The following PLCL1 variants were observed in gnomAD, a reference collection of about 807,000 sequenced individuals.
The protein encoded by PLCL1 is phospholipase C like 1 (inactive), also known as inactive phospholipase C-like protein 1.
A neutral mutation model predicts 84.4 loss-of-function variants in PLCL1; 41 were observed. The ratio of observed to expected loss-of-function variants is 0.49; its 90% CI spans 0.38 to 0.63. The LOEUF (loss-of-function observed/expected upper bound fraction) is 0.63, where lower values mean the gene tolerates loss of function less well. PLCL1 is among the 30% of genes least tolerant of loss of function. The probability of loss-of-function intolerance (pLI) is 0.00; values close to 1 mark genes in which losing one functional copy is unlikely to be tolerated. For synonymous variants in PLCL1, 490 were observed against 488.3 expected (o/e 1.00, Z -0.05); for missense variants, 1,206 against 1,367.8 (o/e 0.88, Z 1.87).
At chr2:197,982,994 T>C (rs79674637) in intron 1 of PLCL1, among the ~76,000 whole-genome samples, 1,773 of 152,214 alleles carry the variant, frequency 0.012, 36 homozygotes, top group African/African-American at 0.04. Flanking sequence ...ATAATAAAAA[T>C]TGGCTTATAA....
At chr2:197,946,834 G>A (rs1000512902) in intron 1 of PLCL1, among the ~76,000 whole-genome samples, 11 of 152,166 alleles carry the variant, frequency 7.2e-5, no homozygotes, top group African/African-American at 2.4e-4. Context: ...CATTTAAAAA[G>A]CCTCTCTTCT....
At chr2:197,850,180 C>T (rs907880676) in intron 1 of PLCL1, among the ~76,000 whole-genome samples, 1 of 152,078 alleles carries the variant, frequency 6.6e-6, no homozygotes, top group African/African-American at 2.4e-5. Flanking sequence ...ATTAGTACTG[C>T]GACAGGATTG....
intron 5 of PLCL1, among the ~76,000 whole-genome samples, chr2:198,141,181 C>CT (rs1356907833): frequency 2.6e-5 from 4 of 152,110 alleles, no homozygotes; most frequent in Admixed American, 2.6e-4. Flanking sequence ...AAAAATTTAA[C>CT]TTTTTAAATA....
At chr2:197,886,980 T>G (rs1687935243) in intron 1 of PLCL1, among the ~76,000 whole-genome samples, 1 of 152,210 alleles carries the variant, frequency 6.6e-6, no homozygotes, top group Non-Finnish European at 1.5e-5. Flanking sequence ...AATTGGCTCC[T>G]CACATCAACC....
intron 1 of PLCL1, among the ~76,000 whole-genome samples, chr2:198,081,199 A>G (rs1418099349): frequency 3.3e-5 from 5 of 152,326 alleles, no homozygotes; most frequent in South Asian, 2.1e-4. Flanking sequence ...TAGAGATTTT[A>G]TCACTCTGCT....
rs1691255907 is a variant in PLCL1 at position 198,026,030 on chromosome 2, A to G, written c.241-57728A>G. On this transcript the variant is annotated intron_variant, in intron 1 of 5. Coordinates refer to ENST00000428675, the MANE Select transcript of PLCL1 (RefSeq NM_006226.4). ...TTTAGTTTTAAGGCTGGCATTAAAG[A>G]GTTTTGCAAAATTATTTATTTATTT... 1.3e-5 allele frequency among the ~76,000 whole-genome samples: 2 copies of G among 152,258 alleles called. 1 individual carries two copies. The highest frequency in any genetic ancestry group is 4.1e-4 in the South Asian group (2 of 4,828).
rs200633520 is a variant in PLCL1 at position 197,918,967 on chromosome 2, T to A, written c.240+113628T>A. 2.4e-3 allele frequency among the ~76,000 whole-genome samples: 249 copies of A among 105,014 alleles called. 3 individuals are homozygous for A. Among genetic ancestry groups the A allele is most frequent in the African/African-American group, 7.3e-3 (216 of 29,524 alleles). 68.9% of individuals were successfully genotyped at this position (105,014 alleles called of 152,430 possible). ...CTCTCTCTCTCTCTCTCTCTCTCTC[T>A]CCCTCACACACACACATACACACAC... On this transcript the variant is annotated intron_variant, in intron 1 of 5. Transcript: ENST00000428675.
intron 1 of PLCL1, among the ~76,000 whole-genome samples, chr2:197,957,051 G>T (rs1191649305): frequency 6.6e-6 from 1 of 151,820 alleles, no homozygotes; most frequent in African/African-American, 2.4e-5. Flanking sequence ...ATAGGCATTT[G>T]CTTGTGCCAC....
At chr2:198,131,806 A>C (rs1339714052) in intron 5 of PLCL1, among the ~76,000 whole-genome samples, 1 of 152,154 alleles carries the variant, frequency 6.6e-6, no homozygotes, top group African/African-American at 2.4e-5. Flanking sequence ...TTTCTCATTT[A>C]AAATAAAACG....
intron 1 of PLCL1, among the ~76,000 whole-genome samples, chr2:197,860,028 C>G (rs1399835894): frequency 6.6e-6 from 1 of 152,066 alleles, no homozygotes; most frequent in African/African-American, 2.4e-5. Context: ...CCTCCTCCCA[C>G]CCTCCACCCT....
intron 1 of PLCL1, among the ~76,000 whole-genome samples, chr2:197,870,584 A>C (rs1687632489): frequency 6.6e-6 from 1 of 152,128 alleles, no homozygotes; most frequent in Non-Finnish European, 1.5e-5. Context: ...CTCTACCCTC[A>C]GAGAGTGTTA....
intron 5 of PLCL1, among the ~76,000 whole-genome samples, chr2:198,112,358 AG>A (rs1693643283): frequency 6.6e-6 from 1 of 151,884 alleles, no homozygotes; most frequent in South Asian, 2.1e-4. Flanking sequence ...AGGACCCCTG[AG>A]AGCCCAGCCA....
chr2:197,897,362 T>C (rs1163425442), intron 1 of PLCL1, among the ~76,000 whole-genome samples: 2 of 152,116 alleles, frequency 1.3e-5, no homozygotes, highest in Non-Finnish European at 2.9e-5. Flanking sequence ...TTTGCATTAT[T>C]GTAGAAGACA....
chr2:197,941,538 A>G (rs183060634), intron 1 of PLCL1, among the ~76,000 whole-genome samples: 32 of 152,266 alleles, frequency 2.1e-4, no homozygotes, highest in African/African-American at 7.0e-4. Context: ...CAATCCTCCT[A>G]TCTTCCAAAG....
At chr2:198,028,454 C>T (rs1691326038) in intron 1 of PLCL1, among the ~76,000 whole-genome samples, 1 of 152,108 alleles carries the variant, frequency 6.6e-6, no homozygotes, top group Admixed American at 6.5e-5. Flanking sequence ...TGCTCAGAGT[C>T]CCTGCAATCA....
intron 1 of PLCL1, among the ~76,000 whole-genome samples, chr2:198,081,597 A>G (rs755628768): frequency 6.6e-6 from 1 of 152,228 alleles, no homozygotes; most frequent in Non-Finnish European, 1.5e-5. Context: ...TTGTAAATGC[A>G]GGAGCTAAGT....
intron 1 of PLCL1, among the ~76,000 whole-genome samples, chr2:197,944,686 T>C (rs1518365): frequency 0.72 from 109,409 of 152,132 alleles, 40,277 homozygotes; most frequent in African/African-American, 0.87. Context: ...CAGCTGCAGC[T>C]CACCAATGAT....
At chr2:197,816,622 A>G (rs1690695849) in intron 1 of PLCL1, among the ~76,000 whole-genome samples, 1 of 152,128 alleles carries the variant, frequency 6.6e-6, no homozygotes, top group Admixed American at 6.6e-5. Flanking sequence ...TAATTATTGT[A>G]ATCTGTTATG....
rs181959075 is a variant in PLCL1, at chr2:197,940,101, A to G, written c.240+134762A>G. Among the ~76,000 whole-genome samples the G allele has an allele frequency of 2.5e-3, 377 of 151,862 alleles. 1 individual carries two copies. Among genetic ancestry groups the G allele is most frequent in the African/African-American group, 8.7e-3 (358 of 41,156 alleles). ...GGAAGCATATTTCTTACCTTTCTCC[A>G]AATTGTTTTTTTTGAAAATTTTTAA... On this transcript the variant is annotated intron_variant, in intron 1 of 5. Transcript: ENST00000428675.
Sources: gnomAD v4.1 joint callset for allele counts (sites outside exome capture counted in the v4.1 genomes callset) on GRCh38, gnomAD v4.1.1 for gene constraint, MANE v1.5 for transcripts, NCBI Gene and HGNC (gene_info 2026-07-23, HGNC 2026-07-21) for gene names.